The following RNASEH2B variants were observed in gnomAD, a reference collection of about 807,000 sequenced individuals.
RNASEH2B encodes the protein Aicardi-Goutieres syndrome 2 protein.
Under a neutral mutation model 45.0 loss-of-function variants are expected in RNASEH2B, and 36 were observed. The observed-to-expected ratio is 0.80, with a 90% CI of 0.61 to 1.06. RNASEH2B has a LOEUF of 1.06. Ranked by LOEUF, RNASEH2B falls within the 50% of genes least tolerant of loss-of-function variation. The pLI is 0.00. For synonymous variants in RNASEH2B, 119 were observed against 125.7 expected (o/e 0.95, Z 0.35); for missense variants, 361 against 360.3 (o/e 1.00, Z -0.02).
intron 1 of RNASEH2B, among the ~76,000 whole-genome samples, chr13:50,913,816 A>G (rs1395125705): frequency 2.0e-5 from 3 of 152,350 alleles, no homozygotes; most frequent in South Asian, 4.1e-4. Flanking sequence ...TTCAAATACA[A>G]TAACAGCTTT....
downstream of RNASEH2B, among the ~76,000 whole-genome samples, chr13:50,961,752 A>G (rs990518494): frequency 3.3e-5 from 5 of 152,128 alleles, no homozygotes; most frequent in African/African-American, 1.2e-4. Context: ...ACACACATAT[A>G]TACACTATAT....
chr13:50,941,326 C>T (rs1039261323), intron 5 of RNASEH2B: 3 of 152,208 alleles, frequency 2.0e-5, no homozygotes, highest in Non-Finnish European at 4.4e-5. Flanking sequence ...AAGGAGACAG[C>T]ATGTGCTGGG....
At chr13:50,967,729 G>A (rs1260089881) in intron 9 of RNASEH2B, among the ~76,000 whole-genome samples, 3 of 152,158 alleles carry the variant, frequency 2.0e-5, no homozygotes, top group Admixed American at 2.0e-4. Context: ...TTTAGGAGTT[G>A]ACTTTCTCTG....
chr13:50,925,430 A>G (rs1161315651), intron 1 of RNASEH2B, among the ~76,000 whole-genome samples: 2 of 152,170 alleles, frequency 1.3e-5, no homozygotes, highest in African/African-American at 4.8e-5. Flanking sequence ...TTTTTGGGTG[A>G]TGAGTATTTT....
chr13:50,941,720 T>A (rs1380763432), intron 5 of RNASEH2B: 3 of 152,248 alleles, frequency 2.0e-5, no homozygotes, highest in African/African-American at 7.2e-5. Flanking sequence ...GAGTCCGGTC[T>A]CATTGGCTTT....
rs542252075 is a variant in RNASEH2B, at chr13:50,929,612, A to G, written c.244+30A>G. On this transcript the variant is annotated intron_variant, in intron 3 of 10. Coordinates refer to ENST00000336617, the MANE Select transcript of RNASEH2B (RefSeq NM_024570.4). ...GTGACTAGTGTAAGCATTTCCAATA[A>G]CTAAACACATACTCCAGCTTTTCCA... 26 of 1,330,690 alleles carry G rather than the reference A, an allele frequency of 2.0e-5. No homozygotes were observed. The South Asian group carries it at 2.4e-4, about 12-fold the overall frequency. The allele number at this position is 1,330,690 out of a possible 1,614,324, so 82.4% of individuals were successfully genotyped here. A position where few individuals can be genotyped will look rare whatever the true frequency, so the allele number is the denominator to read the frequency against.
At chr13:50,915,604 C>G (rs1191430870) in intron 1 of RNASEH2B, 3 of 396,958 alleles carry the variant, frequency 7.6e-6, no homozygotes, top group Non-Finnish European at 1.3e-5. Context: ...TGTGTTTTCC[C>G]TGAGTGGCCA....
intron 5 of RNASEH2B, among the ~76,000 whole-genome samples, chr13:50,939,571 T>A (rs1279808125): frequency 6.6e-6 from 1 of 151,676 alleles, no homozygotes; most frequent in Non-Finnish European, 1.5e-5. Context: ...GGTATAAGGA[T>A]AAATATATAG....
chr13:50,927,084 C>T (rs1024528713), intron 1 of RNASEH2B: 29 of 313,428 alleles, frequency 9.3e-5, no homozygotes, highest in Non-Finnish European at 1.7e-4. Context: ...TTATAAATGG[C>T]ATTTGAGACA....
chr13:50,963,173 T>C (rs1952128564), intron 9 of RNASEH2B, among the ~76,000 whole-genome samples: 1 of 152,140 alleles, frequency 6.6e-6, no homozygotes, highest in Non-Finnish European at 1.5e-5. Context: ...TATTTATTTA[T>C]TTATTTTTGA....
rs532216516 is a variant in RNASEH2B at position 50,914,291 on chromosome 13, G to T, written c.64+4151G>T. ...CAGGATTTTTGTTCTTTGTCAAAAC[G>T]GTATGTATGTATATGTTTGTGTTTA... On this transcript the variant is annotated intron_variant, in intron 1 of 10. Coordinates refer to ENST00000336617, the MANE Select transcript of RNASEH2B (RefSeq NM_024570.4). Among the ~76,000 whole-genome samples the T allele has an allele frequency of 2.6e-5, 4 of 152,220 alleles. No homozygotes were observed. The South Asian group carries it at 8.3e-4, about 32-fold the overall frequency.
chr13:50,917,185 G>A (rs1319571769), intron 1 of RNASEH2B, among the ~76,000 whole-genome samples: 2 of 152,166 alleles, frequency 1.3e-5, no homozygotes, highest in Non-Finnish European at 2.9e-5. Flanking sequence ...GAGAGGAGGA[G>A]GACAAAGTGG....
At chr13:50,923,221 G>A (rs1956334101) in intron 1 of RNASEH2B, among the ~76,000 whole-genome samples, 1 of 152,130 alleles carries the variant, frequency 6.6e-6, no homozygotes. Context: ...TATGCATTAT[G>A]GGAATCCCAG....
intron 9 of RNASEH2B, among the ~76,000 whole-genome samples, chr13:50,968,563 A>G (rs1461426193): frequency 1.3e-5 from 2 of 152,218 alleles, no homozygotes; most frequent in Non-Finnish European, 2.9e-5. Context: ...TGTTTACCCA[A>G]GGTTCCTATT....
At chr13:50,915,486 C>G in intron 1 of RNASEH2B, 1 of 398,628 alleles carries the variant, frequency 2.5e-6, no homozygotes, top group Non-Finnish European at 4.4e-6. Flanking sequence ...GTTCGTGGTA[C>G]CTCTTTGACC....
At chr13:50,941,835 T>G (rs1951836296) in intron 5 of RNASEH2B, 1 of 152,182 alleles carries the variant, frequency 6.6e-6, no homozygotes, top group Non-Finnish European at 1.5e-5. Context: ...CTGTCCCTCT[T>G]TTTTGTTACT....
rs780872918 is a variant in RNASEH2B, at chr13:50,945,492, T to G, written c.576T>G (p.Thr192=). The G allele has an allele frequency of 7.4e-6, 12 of 1,613,660 alleles. No individual in the cohort carries two copies. Among genetic ancestry groups the G allele is most frequent in the Non-Finnish European group, 9.3e-6 (11 of 1,179,652 alleles). The change falls in exon 7 of 11, where the codon ACT becomes ACG. Residue 192 remains threonine (T), a synonymous_variant. Coordinates refer to ENST00000336617, the MANE Select transcript of RNASEH2B (RefSeq NM_024570.4). ...ATGTCAGTTCCCGGGTACAGTCAAC[T>G]GCATTTTTCTCTGGTGACCAAGCTT... ...NVNVSSRVQS[T]AFFSGDQAST... is the part of the protein sequence containing the mutation.
chr13:50,919,496 G>C (rs993362983), intron 1 of RNASEH2B, among the ~76,000 whole-genome samples: 7 of 152,136 alleles, frequency 4.6e-5, no homozygotes, highest in Admixed American at 1.3e-4. Flanking sequence ...TGGTCTACTG[G>C]CTGGATTGCA....
At chr13:50,929,957 C>T (rs1386668249) in intron 3 of RNASEH2B, among the ~76,000 whole-genome samples, 1 of 152,142 alleles carries the variant, frequency 6.6e-6, no homozygotes, top group Non-Finnish European at 1.5e-5. Flanking sequence ...GATATGGCTT[C>T]TAACATAGGC....
Sources: gnomAD v4.1 joint callset for allele counts (sites outside exome capture counted in the v4.1 genomes callset) on GRCh38, gnomAD v4.1.1 for gene constraint, MANE v1.5 for transcripts, NCBI Gene and HGNC (gene_info 2026-07-23, HGNC 2026-07-21) for gene names.